The following EVC2 variants were observed in gnomAD, a reference collection of about 807,000 sequenced individuals.
EVC2 encodes EvC ciliary complex subunit 2.
A neutral mutation model predicts 149.3 loss-of-function variants in EVC2; 148 were observed. The observed-to-expected ratio is 0.99, with a 90% CI of 0.87 to 1.14. EVC2 has a LOEUF of 1.14. Ranked by LOEUF, EVC2 falls within the 50% of genes most tolerant of loss-of-function variation. The pLI is 0.00. For missense variants in EVC2, 1,854 were observed against 1,627.3 expected (o/e 1.14, Z -2.40); for synonymous variants, 776 against 649.9 (o/e 1.19, Z -2.95).
chr4:5,588,657 C>T (rs1297751506), intron 16 of EVC2, among the ~76,000 whole-genome samples: 1 of 152,146 alleles, frequency 6.6e-6, no homozygotes, highest in Non-Finnish European at 1.5e-5. Context: ...TTAATTCTCA[C>T]ACACATGTGT....
In EVC2 at chr4:5,618,779, C is replaced by A. The variant is rs1577165109; in HGVS notation, c.2502-97G>T. 3.4e-6 allele frequency: 4 copies of A among 1,188,548 alleles called. No individual in the cohort carries two copies. The East Asian group carries it at 7.7e-5, about 23-fold the overall frequency. The allele number at this position is 1,188,548 out of a possible 1,614,324, so 73.6% of individuals were successfully genotyped here. ...GAGATGCAAAGCTCATTCCTCATAT[C>A]CATGTCTGCAGAAAAAGCACTGGCT... On this transcript the variant is annotated intron_variant, in intron 14 of 21. Transcript: ENST00000344408. The surrounding 1 kb of genome is among the most constrained non-coding windows in gnomAD (Gnocchi z 4.4).
At chr4:5,587,241 C>T (rs907612193) in intron 16 of EVC2, among the ~76,000 whole-genome samples, 10 of 152,154 alleles carry the variant, frequency 6.6e-5, no homozygotes, top group East Asian at 1.9e-4. Context: ...CAAAAGCAAA[C>T]CCCACACCTC....
rs1442223856 is a variant in EVC2 at position 5,562,910 on chromosome 4, G to A, written c.3865C>T (p.Pro1289Ser). The A allele has an allele frequency of 6.2e-7, 1 of 1,614,154 alleles. No individual in the cohort carries two copies. The highest frequency in any genetic ancestry group is 8.5e-7 in the Non-Finnish European group (1 of 1,180,026). ...KEPEISLHVP[P>S]RKKKNFLNAK... Reference sequence around the variant, plus strand: ...TTCAAAAAGTTCTTCTTTTTCCTGGGAGGAACGTGCAGTGAGATCTCTGGC... The same window carrying A: ...TTCAAAAAGTTCTTCTTTTTCCTGGAAGGAACGTGCAGTGAGATCTCTGGC... Residue 1289 changes from proline to serine, a missense_variant, in exon 22 of 22, where the codon CCC (proline) becomes TCC (serine). Coordinates refer to ENST00000344408, the MANE Select transcript of EVC2 (RefSeq NM_147127.5). This position sits in a 1 kb window ranked among gnomAD's most constrained non-coding sequence, Gnocchi z 4.3.
rs543655974 is a variant in EVC2 at position 5,679,020 on chromosome 4, G to C, written c.870+2240C>G. On this transcript the variant is annotated intron_variant, in intron 7 of 21. Coordinates refer to ENST00000344408, the MANE Select transcript of EVC2 (RefSeq NM_147127.5). This position sits in a 1 kb window ranked among gnomAD's most constrained non-coding sequence, Gnocchi z 5.1. ...CACTCCAGCCTGGGCGACAAAGCAA[G>C]ACTCTAAGAAAAAAAAGAAAGAAAG... Among the ~76,000 whole-genome samples, 9 of 149,462 alleles carry C rather than the reference G, an allele frequency of 6.0e-5. No individual in the cohort carries two copies. The highest frequency in any genetic ancestry group is 1.3e-4 in the Non-Finnish European group (9 of 67,456).
rs533663903 is a variant in EVC2 at position 5,587,087 on chromosome 4, T to C, written c.2830-2237A>G. Among the ~76,000 whole-genome samples the C allele has an allele frequency of 6.6e-5, 10 of 152,382 alleles. No homozygotes were observed. In the East Asian group the frequency reaches 1.9e-3, roughly 29 times the overall value. On this transcript the variant is annotated intron_variant, in intron 16 of 21. Transcript: ENST00000344408. ...TCACACTCCTTTGTTACTATTTTCA[T>C]TGAAATAAGTCAATCTTTAAAATTT...
chr4:5,551,481 C>T (rs1356780459), intron 21 of EVC2, among the ~76,000 whole-genome samples: 1 of 152,214 alleles, frequency 6.6e-6, no homozygotes, highest in Non-Finnish European at 1.5e-5. Context: ...GCTGTATTTA[C>T]CCAATGCCTG....
At chr4:5,550,105 G>C (rs557341117) in intron 21 of EVC2, among the ~76,000 whole-genome samples, 3 of 152,248 alleles carry the variant, frequency 2.0e-5, no homozygotes, top group South Asian at 4.1e-4. Flanking sequence ...GTCTTTATTA[G>C]CAGTGTGAAA....
Position 5,598,394 on chromosome 4 carries a change from G to C in EVC2, c.2830-13544C>G, listed in dbSNP as rs1455052656. ...AGATATAGATCAATGGAACAGAACA[G>C]AGCCCTCAGAAATAATGCCGCATAT... On this transcript the variant is annotated intron_variant, in intron 16 of 21. Transcript: ENST00000344408. Among the ~76,000 whole-genome samples the C allele has an allele frequency of 4.8e-4, 72 of 150,864 alleles. 1 individual carries two copies. Among genetic ancestry groups the C allele is most frequent in the African/African-American group, 1.7e-3 (70 of 41,388 alleles).
intron 12 of EVC2, among the ~76,000 whole-genome samples, chr4:5,627,190 G>C (rs1716179947): frequency 1.3e-5 from 2 of 152,160 alleles, no homozygotes; most frequent in Non-Finnish European, 2.9e-5. Flanking sequence ...GCCCAGGGAA[G>C]ACTCTCAAGG....
In EVC2 at chr4:5,689,293, G is replaced by A; in HGVS notation, c.570C>T (p.Asn190=). The change falls in exon 5 of 22, where the codon AAC becomes AAT. Residue 190 remains asparagine (N), a synonymous_variant. Coordinates refer to ENST00000344408, the MANE Select transcript of EVC2 (RefSeq NM_147127.5). ...TGGCTGACGAGGTTGTCTTGGTGTTGTTAACAAGCAGCCATATGCGGGCTG... is the reference window on the plus strand; with the variant it reads ...TGGCTGACGAGGTTGTCTTGGTGTTATTAACAAGCAGCCATATGCGGGCTG... The part of the protein sequence containing the change: ...AQTARIWLLV[N]NTKTTSSANL... The A allele has an allele frequency of 1.2e-6, 2 of 1,614,176 alleles. No individual in the cohort carries two copies. The highest frequency in any genetic ancestry group is 2.2e-5 in the South Asian group (2 of 91,070).
intron 20 of EVC2, among the ~76,000 whole-genome samples, 174 bp from the exon 21 acceptor site, chr4:5,565,533 G>A (rs1030030039): frequency 1.3e-5 from 2 of 151,988 alleles, no homozygotes; most frequent in Non-Finnish European, 2.9e-5. Flanking sequence ...TTAGCAGGGC[G>A]TGGTAGTGGG....
chr4:5,648,816 G>C (rs541364887), intron 9 of EVC2, among the ~76,000 whole-genome samples: 2 of 152,128 alleles, frequency 1.3e-5, no homozygotes, highest in South Asian at 4.2e-4. Context: ...AAACTGTCAG[G>C]GTGTTCCAAA....
intron 16 of EVC2, among the ~76,000 whole-genome samples, chr4:5,612,570 C>T (rs1714906993): frequency 6.6e-6 from 1 of 152,022 alleles, no homozygotes; most frequent in African/African-American, 2.4e-5. Flanking sequence ...GAGCCTGCTG[C>T]ATGTATCTAT....
chr4:5,587,807 G>C (rs1341696667), intron 16 of EVC2, among the ~76,000 whole-genome samples: 1 of 152,168 alleles, frequency 6.6e-6, no homozygotes, highest in African/African-American at 2.4e-5. Context: ...TAATTAGAAA[G>C]GAACCGAACA....
At chr4:5,698,160 G>A (rs1032090158) in intron 1 of EVC2, among the ~76,000 whole-genome samples, 13 of 152,054 alleles carry the variant, frequency 8.5e-5, no homozygotes, top group Non-Finnish European at 1.5e-5. Flanking sequence ...GAGAATCAGC[G>A]CCCTCATGAA....
chr4:5,621,869 A>G (rs73198151), intron 14 of EVC2, among the ~76,000 whole-genome samples: 3,150 of 152,264 alleles, frequency 0.021, 85 homozygotes, highest in African/African-American at 0.06. Flanking sequence ...TTAAAAATAA[A>G]CATATCCATT....
At chr4:5,652,647 G>C (rs1210028658) in intron 9 of EVC2, among the ~76,000 whole-genome samples, 1 of 152,166 alleles carries the variant, frequency 6.6e-6, no homozygotes, top group Non-Finnish European at 1.5e-5. Flanking sequence ...CCCAGGGTGA[G>C]GGAGATGGCA....
At chr4:5,583,289 A>G (rs1261448464) in intron 17 of EVC2, among the ~76,000 whole-genome samples, 1 of 152,220 alleles carries the variant, frequency 6.6e-6, no homozygotes, top group Non-Finnish European at 1.5e-5. Flanking sequence ...CTATGTTCAC[A>G]TGCAAGATTG....
intron 7 of EVC2, among the ~76,000 whole-genome samples, chr4:5,666,993 T>C (rs1719326268): frequency 6.6e-6 from 1 of 152,192 alleles, no homozygotes; most frequent in Non-Finnish European, 1.5e-5. Flanking sequence ...GACAGAAGTG[T>C]GCCTGATGGC....
Sources: gnomAD v4.1 joint callset for allele counts (sites outside exome capture counted in the v4.1 genomes callset) on GRCh38, gnomAD v4.1.1 for gene constraint, Gnocchi (gnomAD v3.1) non-coding constraint, MANE v1.5 for transcripts, NCBI Gene and HGNC (gene_info 2026-07-23, HGNC 2026-07-21) for gene names.